PRIM2: variants seen among roughly 807,000 people sequenced by gnomAD.
PRIM2 encodes the protein DNA primase large subunit.
PRIM2 carries 39 observed loss-of-function variants against 67.3 expected under a neutral mutation model. The ratio of observed to expected loss-of-function variants is 0.58; its 90% CI spans 0.45 to 0.76. The LOEUF (loss-of-function observed/expected upper bound fraction) is 0.76, where lower values mean the gene tolerates loss of function less well. Ranked by LOEUF, PRIM2 falls within the 30% of genes least tolerant of loss-of-function variation. The pLI is 0.00. For synonymous variants in PRIM2, 143 were observed against 198.7 expected (o/e 0.72, Z 2.36); for missense variants, 398 against 598.7 (o/e 0.66, Z 3.50).
chr6:57,335,335 A>G (rs1040201405), intron 5 of PRIM2, among the ~76,000 whole-genome samples: 1 of 152,396 alleles, frequency 6.6e-6, no homozygotes, highest in South Asian at 2.1e-4. Flanking sequence ...AGCAGCCAGG[A>G]AGCTGGAACT....
intron 13 of PRIM2, 87 bp from the exon 14 acceptor site, chr6:57,645,841 T>C (rs1777325146): frequency 4.3e-6 from 3 of 701,924 alleles, no homozygotes; most frequent in Non-Finnish European, 7.2e-6. Flanking sequence ...GTATTAAGTT[T>C]TAAACAAGTA....
chr6:57,276,811 C>G, the PRIM2 span, among the ~76,000 whole-genome samples: 1 of 151,746 alleles, frequency 6.6e-6, no homozygotes, highest in Non-Finnish European at 1.5e-5. Context: ...ATGGCTTGAG[C>G]CCAGGAGGTC....
At chr6:57,557,459 CTT>C (rs1273530433) in intron 10 of PRIM2, among the ~76,000 whole-genome samples, 3 of 152,150 alleles carry the variant, frequency 2.0e-5, no homozygotes, top group African/African-American at 7.2e-5. Flanking sequence ...AAGATCTTGT[CTT>C]TTGCAGGAAC....
At chr6:57,634,504 T>C (rs1777088158) in intron 13 of PRIM2, among the ~76,000 whole-genome samples, 1 of 152,400 alleles carries the variant, frequency 6.6e-6, no homozygotes, top group African/African-American at 2.4e-5. Context: ...TATGACTCGC[T>C]CTCTCGGAGA....
rs2127275504 is a variant in PRIM2 at position 57,325,913 on chromosome 6, T to C, written c.339-12T>C. 1.9e-6 allele frequency: 3 copies of C among 1,577,228 alleles called. No homozygotes were observed. Among genetic ancestry groups the C allele is most frequent in the Non-Finnish European group, 2.6e-6 (3 of 1,162,834 alleles). On this transcript the variant is annotated splice_polypyrimidine_tract_variant and intron_variant, in intron 4 of 13. Coordinates refer to ENST00000615550, the MANE Select transcript of PRIM2 (RefSeq NM_000947.5). ...TTTTAGTTTGTACTCATAATTTCTGTCTTCATTTCAGTGAAGAACTTAGAC... is the reference window on the plus strand; with the variant it reads ...TTTTAGTTTGTACTCATAATTTCTGCCTTCATTTCAGTGAAGAACTTAGAC...
At chr6:57,433,955 G>A (rs1294662297) in intron 7 of PRIM2, among the ~76,000 whole-genome samples, 14 of 135,744 alleles carry the variant, frequency 1.0e-4, no homozygotes, top group African/African-American at 2.8e-4. Context: ...ACAGAGTTTC[G>A]CTCTTGTTGC....
upstream of PRIM2, among the ~76,000 whole-genome samples, chr6:57,317,056 A>G (rs1767503109): frequency 6.6e-6 from 1 of 152,180 alleles, no homozygotes; most frequent in Non-Finnish European, 1.5e-5. Flanking sequence ...CAAAATATGT[A>G]TTGTATGTAG....
chr6:57,444,116 T>G (rs1030299493), intron 7 of PRIM2, among the ~76,000 whole-genome samples: 1 of 152,164 alleles, frequency 6.6e-6, no homozygotes, highest in Non-Finnish European at 1.5e-5. Flanking sequence ...TTGGCCAATT[T>G]TTATTGGCCA....
the PRIM2 span, among the ~76,000 whole-genome samples, chr6:57,225,323 T>C: frequency 6.6e-6 from 1 of 152,222 alleles, no homozygotes; most frequent in Non-Finnish European, 1.5e-5. Context: ...CCTGCAGACA[T>C]GCTCAGTGCA....
At chr6:57,248,679 T>G in the PRIM2 span, among the ~76,000 whole-genome samples, 1 of 152,172 alleles carries the variant, frequency 6.6e-6, no homozygotes, top group Non-Finnish European at 1.5e-5. Context: ...AGAGTAGGCC[T>G]GCAACCAGTC....
At chr6:57,365,048 G>C (rs1769314065) in intron 5 of PRIM2, among the ~76,000 whole-genome samples, 2 of 152,038 alleles carry the variant, frequency 1.3e-5, no homozygotes, top group Admixed American at 6.6e-5. Flanking sequence ...CATATTCTGA[G>C]CCTCAAGTCA....
intron 7 of PRIM2, among the ~76,000 whole-genome samples, chr6:57,465,795 A>G (rs1313553941): frequency 5.3e-5 from 8 of 151,936 alleles, no homozygotes; most frequent in Non-Finnish European, 1.2e-4. Flanking sequence ...AGTGCTTTCT[A>G]TCATTTTTTT....
At chr6:57,300,781 G>A in the PRIM2 span, among the ~76,000 whole-genome samples, 1 of 152,102 alleles carries the variant, frequency 6.6e-6, no homozygotes, top group Non-Finnish European at 1.5e-5. Flanking sequence ...CCAGCACTTT[G>A]GGAGGCCGAG....
At chr6:57,502,925 C>T (rs1774170093) in intron 7 of PRIM2, among the ~76,000 whole-genome samples, 2 of 152,248 alleles carry the variant, frequency 1.3e-5, no homozygotes, top group Admixed American at 1.3e-4. Flanking sequence ...CTTGGATATT[C>T]CATTTAGCTG....
At chr6:57,324,421 A>G (rs1010254184) in intron 4 of PRIM2, 141 bp downstream of exon 4, 31 of 458,742 alleles carry the variant, frequency 6.8e-5, no homozygotes, top group Non-Finnish European at 3.9e-5. Context: ...TTGAACACTG[A>G]CAGTAAATTG....
intron 8 of PRIM2, among the ~76,000 whole-genome samples, chr6:57,515,050 T>G (rs2127462085): frequency 6.6e-6 from 1 of 152,338 alleles, no homozygotes; most frequent in South Asian, 2.1e-4. Context: ...CCCTCCCTAA[T>G]GCAACCAACA....
intron 7 of PRIM2, among the ~76,000 whole-genome samples, chr6:57,482,008 G>A (rs1773640926): frequency 6.6e-6 from 1 of 152,156 alleles, no homozygotes; most frequent in African/African-American, 2.4e-5. Flanking sequence ...AGAAGGCTTC[G>A]TGGGTGGCCA....
chr6:57,239,048 T>C, the PRIM2 span, among the ~76,000 whole-genome samples: 1 of 152,160 alleles, frequency 6.6e-6, no homozygotes, highest in Non-Finnish European at 1.5e-5. Flanking sequence ...TGGAGTACAG[T>C]GGCATGATCT....
intron 10 of PRIM2, among the ~76,000 whole-genome samples, chr6:57,564,420 A>C (rs1256681138): frequency 6.6e-6 from 1 of 152,196 alleles, no homozygotes; most frequent in African/African-American, 2.4e-5. Context: ...GTTGGAATGC[A>C]TTGAAACATG....
Sources: gnomAD v4.1 joint callset for allele counts (sites outside exome capture counted in the v4.1 genomes callset) on GRCh38, gnomAD v4.1.1 for gene constraint, MANE v1.5 for transcripts, NCBI Gene and HGNC (gene_info 2026-07-23, HGNC 2026-07-21) for gene names.